ACOT7: variants seen among roughly 807,000 people sequenced by gnomAD.
ACOT7 encodes acyl-CoA thioesterase 7, also known as cytosolic acyl coenzyme A thioester hydrolase.
Under a neutral mutation model 40.2 loss-of-function variants are expected in ACOT7, and 12 were observed. The observed-to-expected ratio is 0.30, with a 90% CI of 0.19 to 0.48. ACOT7 has a LOEUF of 0.48. ACOT7 is among the 20% of genes least tolerant of loss of function. ACOT7 has a pLI of 0.99. For missense variants in ACOT7, 395 were observed against 530.8 expected (o/e 0.74, Z 2.51); for synonymous variants, 228 against 219.5 (o/e 1.04, Z -0.34).
intron 1 of ACOT7, among the ~76,000 whole-genome samples, chr1:6,367,193 C>T (rs1642030019): frequency 6.8e-6 from 1 of 146,634 alleles, no homozygotes; most frequent in Admixed American, 6.8e-5. Flanking sequence ...AGCGAGACTC[C>T]ATTTCAAAAA....
At chr1:6,283,543 T>C (rs1201131100) in intron 7 of ACOT7, among the ~76,000 whole-genome samples, 2 of 152,246 alleles carry the variant, frequency 1.3e-5, no homozygotes, top group Admixed American at 6.5e-5. Flanking sequence ...TGGCTGCTCA[T>C]GGCTTAATTG....
At chr1:6,344,763 C>CA (rs58594477) in intron 2 of ACOT7, among the ~76,000 whole-genome samples, 894 of 55,812 alleles carry the variant, frequency 0.016, 52 homozygotes, top group Middle Eastern at 0.033. Flanking sequence ...GACTCTGTCT[C>CA]AAAAAAAAAA....
At chr1:6,285,097 G>A (rs762228202) in intron 7 of ACOT7, among the ~76,000 whole-genome samples, 41 of 152,214 alleles carry the variant, frequency 2.7e-4, no homozygotes, top group Admixed American at 2.2e-3. Context: ...GAAGTCCCAC[G>A]AGGGCAGGGC....
chr1:6,352,928 G>C lies in ACOT7; in HGVS notation c.144-3062C>G, dbSNP rs1641635561. Among the ~76,000 whole-genome samples, 1 of 152,064 alleles carries C rather than the reference G, an allele frequency of 6.6e-6. No individual in the cohort carries two copies. Among genetic ancestry groups the C allele is most frequent in the Non-Finnish European group, 1.5e-5 (1 of 68,010 alleles). On this transcript the variant is annotated intron_variant, in intron 1 of 8. Transcript: ENST00000361521. This position sits in a 1 kb window ranked among gnomAD's most constrained non-coding sequence, Gnocchi z 4.5. Reference sequence around the variant, plus strand: ...GCGTCTCATTCTGTCACCCAGGCTGGAGTACAGTGGCATGATCTTGGCTCA... The same window carrying C: ...GCGTCTCATTCTGTCACCCAGGCTGCAGTACAGTGGCATGATCTTGGCTCA...
intron 4 of ACOT7, among the ~76,000 whole-genome samples, chr1:6,329,751 G>A (rs1205478804): frequency 1.3e-5 from 2 of 151,978 alleles, no homozygotes; most frequent in Non-Finnish European, 2.9e-5. Context: ...AGACAGCGTG[G>A]CCCAAATATC....
chr1:6,339,422 C>T lies in ACOT7; in HGVS notation c.418+11G>A. 6.2e-7 allele frequency: 1 copy of T among 1,612,494 alleles called. No homozygotes were observed. Among genetic ancestry groups the T allele is most frequent in the South Asian group, 1.1e-5 (1 of 90,958 alleles). ...TACTGCTCCAGTCAACACTGTCGCT[C>T]CCAGAAGTACCTGTGAGGATGTTTT... On this transcript the variant is annotated intron_variant, in intron 3 of 8. Transcript: ENST00000361521.
intron 6 of ACOT7, among the ~76,000 whole-genome samples, chr1:6,315,480 G>A (rs1022479237): frequency 2.6e-5 from 4 of 152,122 alleles, no homozygotes; most frequent in African/African-American, 4.8e-5. Flanking sequence ...GGCTGGGCAC[G>A]GTGGCTCATG....
chr1:6,364,741 G>A (rs1426408108), intron 1 of ACOT7, among the ~76,000 whole-genome samples: 3 of 151,078 alleles, frequency 2.0e-5, no homozygotes, highest in Admixed American at 6.6e-5. Context: ...CCAGCTACTC[G>A]GGAGGCTGAG....
Position 6,311,614 on chromosome 1 carries a change from G to A in ACOT7, c.712+6878C>T, listed in dbSNP as rs1640334236. Among the ~76,000 whole-genome samples, 2 of 152,182 alleles carry A rather than the reference G, an allele frequency of 1.3e-5. No individual in the cohort carries two copies. The highest frequency in any genetic ancestry group is 4.8e-5 in the African/African-American group (2 of 41,430). On this transcript the variant is annotated intron_variant, in intron 6 of 8. Coordinates refer to ENST00000361521, the MANE Select transcript of ACOT7 (RefSeq NM_007274.4). The surrounding 1 kb of genome is among the most constrained non-coding windows in gnomAD (Gnocchi z 5.2). ...GGAGGATCACAGTAACTAACTGTAGGAATGAGGTTCTTCTTCCGGCTTCTC... is the reference window on the plus strand; with the variant it reads ...GGAGGATCACAGTAACTAACTGTAGAAATGAGGTTCTTCTTCCGGCTTCTC...
At chr1:6,361,929 A>G (rs1212797122) in intron 1 of ACOT7, among the ~76,000 whole-genome samples, 1 of 152,248 alleles carries the variant, frequency 6.6e-6, no homozygotes, top group Non-Finnish European at 1.5e-5. Context: ...TTTGCCACAG[A>G]AAGGCACTCC....
Position 6,282,823 on chromosome 1 carries a change from G to C in ACOT7, c.830-1537C>G, listed in dbSNP as rs1176060609. On this transcript the variant is annotated intron_variant, in intron 7 of 8. Transcript: ENST00000361521. The surrounding 1 kb of genome is among the most constrained non-coding windows in gnomAD (Gnocchi z 4.5). ...TGTAAGGTACAGAGTCCCATGCAAA[G>C]CGCCCGCAGTCACAAGACGCACCCC... is the stretch of plus-strand genomic sequence containing the variant. 1.5e-6 allele frequency: 2 copies of C among 1,302,856 alleles called. No homozygotes were observed. Among genetic ancestry groups the C allele is most frequent in the Non-Finnish European group, 2.0e-6 (2 of 987,786 alleles). 80.7% of individuals were successfully genotyped at this position (1,302,856 alleles called of 1,614,324 possible). A position where few individuals can be genotyped will look rare whatever the true frequency, so the allele number is the denominator to read the frequency against.
At position 6,299,601 on chromosome 1, in the gene ACOT7, C is replaced by T; in HGVS notation, c.713-4621G>A. On this transcript the variant is annotated intron_variant, in intron 6 of 8. Transcript: ENST00000361521. This position sits in a 1 kb window ranked among gnomAD's most constrained non-coding sequence, Gnocchi z 4.1. Reference sequence around the variant, plus strand: ...GCCACACACAGAGGGCAGAGAGGCCCACCCGGCCACCTCCTGACTAGGTAC... The same window carrying T: ...GCCACACACAGAGGGCAGAGAGGCCTACCCGGCCACCTCCTGACTAGGTAC... Among the ~76,000 whole-genome samples, 1 of 152,126 alleles carries T rather than the reference C, an allele frequency of 6.6e-6. No homozygotes were observed. Among genetic ancestry groups the T allele is most frequent in the East Asian group, 1.9e-4 (1 of 5,184 alleles).
intron 1 of ACOT7, among the ~76,000 whole-genome samples, chr1:6,381,940 C>A (rs1357555739): frequency 1.3e-5 from 2 of 150,026 alleles, no homozygotes; most frequent in African/African-American, 4.9e-5. Flanking sequence ...CGAGACCATC[C>A]TGGCTAACAC....
intron 1 of ACOT7, among the ~76,000 whole-genome samples, chr1:6,354,410 G>A (rs1188999554): frequency 2.0e-5 from 3 of 152,258 alleles, no homozygotes; most frequent in Non-Finnish European, 4.4e-5. Flanking sequence ...TCCAGAAACA[G>A]AAAGCAACCC....
intron 3 of ACOT7, among the ~76,000 whole-genome samples, chr1:6,335,925 C>A (rs1161284483): frequency 6.6e-6 from 1 of 152,218 alleles, no homozygotes; most frequent in Non-Finnish European, 1.5e-5. Context: ...CCTGACAAGC[C>A]GGTTTCCATG....
chr1:6,296,404 T>C (rs927181576), intron 6 of ACOT7, among the ~76,000 whole-genome samples: 1 of 151,880 alleles, frequency 6.6e-6, no homozygotes, highest in African/African-American at 2.4e-5. Flanking sequence ...ACAACACATA[T>C]ATTACAATTA....
chr1:6,303,922 AGGTCTTG>A (rs1640042255), intron 6 of ACOT7, among the ~76,000 whole-genome samples: 3 of 152,062 alleles, frequency 2.0e-5, no homozygotes, highest in African/African-American at 7.2e-5. Flanking sequence ...GGAAGGGGGG[AGGTCTTG>A]ACTGCTTCCT....
chr1:6,327,523 TC>T, intron 4 of ACOT7, 110 bp from the exon 5 acceptor site: 1 of 864,086 alleles, frequency 1.2e-6, no homozygotes, highest in Non-Finnish European at 1.8e-6. Context: ...GACTATTTTT[TC>T]TTCTGTTCAT....
chr1:6,265,267 A>G (rs998616332), intron 8 of ACOT7, among the ~76,000 whole-genome samples: 1 of 151,746 alleles, frequency 6.6e-6, no homozygotes, highest in African/African-American at 2.4e-5. Context: ...GACGTGGGGA[A>G]AGCCAGCTGC....
Sources: gnomAD v4.1 joint callset for allele counts (sites outside exome capture counted in the v4.1 genomes callset) on GRCh38, gnomAD v4.1.1 for gene constraint, Gnocchi (gnomAD v3.1) non-coding constraint, MANE v1.5 for transcripts, NCBI Gene and HGNC (gene_info 2026-07-23, HGNC 2026-07-21) for gene names.